SGSM2: variants seen among roughly 807,000 people sequenced by gnomAD.
SGSM2 encodes the protein RUN and TBC1 domain containing 1.
A neutral mutation model predicts 126.6 loss-of-function variants in SGSM2; 89 were observed. The observed-to-expected ratio is 0.70, with a 90% CI of 0.59 to 0.84. The LOEUF is 0.84. Among genes scored for constraint, SGSM2 ranks in the 40% least tolerant of loss-of-function variants. The probability of loss-of-function intolerance (pLI) is 0.00; values close to 1 mark genes in which losing one functional copy is unlikely to be tolerated. For synonymous variants in SGSM2, 614 were observed against 574.3 expected (o/e 1.07, Z -0.99); for missense variants, 1,404 against 1,416.6 (o/e 0.99, Z 0.14).
chr17:2,339,507 G>A (rs891804175), intron 1 of SGSM2, among the ~76,000 whole-genome samples: 3 of 151,846 alleles, frequency 2.0e-5, no homozygotes, highest in African/African-American at 2.4e-5. Flanking sequence ...GGCGGATCAC[G>A]AGGTCAGGAG....
intron 11 of SGSM2, 26 bp downstream of exon 11, chr17:2,365,367 G>C (rs1366752383): frequency 6.6e-7 from 1 of 1,515,546 alleles, no homozygotes; most frequent in Non-Finnish European, 8.9e-7. Flanking sequence ...TTCATCCCGG[G>C]GGAGGAGAGG....
Position 2,379,429 on chromosome 17 carries a change from C to CA in SGSM2, c.3068-2dup, listed in dbSNP as rs2151650248. 1 of 1,612,002 alleles carries CA rather than the reference C, an allele frequency of 6.2e-7. No homozygotes were observed. Among genetic ancestry groups the CA allele is most frequent in the South Asian group, 1.1e-5 (1 of 90,964 alleles). The stretch of plus-strand genomic sequence containing the variant: ...CTCTACAGCTCTTCACGTTTCCCCC[C>CA]AGAACGTGCTGAGCATCACGATGCC... On this transcript the variant is annotated splice_polypyrimidine_tract_variant and splice_region_variant and intron_variant, in intron 23 of 23. Transcript: ENST00000268989.
In SGSM2 at chr17:2,373,661, G is replaced by C. The variant is rs933050759; in HGVS notation, c.2100+148G>C. On this transcript the variant is annotated intron_variant, in intron 17 of 23. Coordinates refer to ENST00000268989, the MANE Select transcript of SGSM2 (RefSeq NM_014853.3). The stretch of plus-strand genomic sequence containing the variant: ...TGCCTGTGTCTCATTTTCTCCAACT[G>C]GAAATGGCTAACTGTGCCTCTGCTG... The C allele has an allele frequency of 6.7e-5, 45 of 673,240 alleles. No individual in the cohort carries two copies. In the Admixed American group the frequency reaches 9.6e-4, roughly 14 times the overall value. 41.7% of individuals were successfully genotyped at this position (673,240 alleles called of 1,614,324 possible). A position where few individuals can be genotyped will look rare whatever the true frequency, so the allele number is the denominator to read the frequency against.
chr17:2,361,897 C>A, intron 3 of SGSM2, 98 bp downstream of exon 3: 2 of 1,448,672 alleles, frequency 1.4e-6, no homozygotes, highest in Non-Finnish European at 9.3e-7. Flanking sequence ...GCATCCTGGG[C>A]CTGTTCCTTG....
rs1316573595 is a variant in SGSM2 at position 2,376,081 on chromosome 17, C to T, written c.2485-56C>T. On this transcript the variant is annotated intron_variant, in intron 18 of 23. Coordinates refer to ENST00000268989, the MANE Select transcript of SGSM2 (RefSeq NM_014853.3). The stretch of plus-strand genomic sequence containing the variant: ...CATTTCTTGGGGCGTCACCTCCTGC[C>T]CCCAGCCTGGGAAGGGCTGCCCGGT... The T allele has an allele frequency of 3.1e-6, 5 of 1,610,938 alleles. No homozygotes were observed. The African/African-American group carries it at 4.0e-5, about 13-fold the overall frequency.
At chr17:2,351,442 G>C (rs2064849093) in intron 2 of SGSM2, among the ~76,000 whole-genome samples, 1 of 152,156 alleles carries the variant, frequency 6.6e-6, no homozygotes, top group Admixed American at 6.5e-5. Context: ...ATGGTGTCCA[G>C]AGACACTCTA....
At chr17:2,347,996 C>CA (rs1378000464) in intron 2 of SGSM2, among the ~76,000 whole-genome samples, 3 of 152,124 alleles carry the variant, frequency 2.0e-5, no homozygotes, top group African/African-American at 7.2e-5. Context: ...CTGCTGTGTG[C>CA]AAGTGGGTCA....
At chr17:2,375,384 A>AG in intron 17 of SGSM2, 108 bp from the exon 18 acceptor site, 2 of 1,368,998 alleles carry the variant, frequency 1.5e-6, no homozygotes, top group Non-Finnish European at 2.0e-6. Flanking sequence ...GTGGTGGGAG[A>AG]GGGGGTGTGA....
At chr17:2,376,674 G>A (rs2066173877) in intron 19 of SGSM2, 59 bp from the exon 20 acceptor site, 2 of 1,580,998 alleles carry the variant, frequency 1.3e-6, no homozygotes, top group African/African-American at 1.3e-5. Flanking sequence ...GTCTTCCCAG[G>A]GATCCCGAGG....
chr17:2,342,231 C>G (rs957938436), intron 1 of SGSM2, among the ~76,000 whole-genome samples: 16 of 141,616 alleles, frequency 1.1e-4, no homozygotes, highest in Non-Finnish European at 7.6e-5. Flanking sequence ...GCCTGGCCAA[C>G]ATGGAGAAAC....
chr17:2,353,655 C>T (rs562448333), intron 2 of SGSM2, among the ~76,000 whole-genome samples: 22 of 152,154 alleles, frequency 1.4e-4, no homozygotes, highest in Middle Eastern at 3.4e-3. Context: ...GTCCCAGCTA[C>T]TCAGCAGGCT....
At chr17:2,358,875 T>TG (rs1555598695) in intron 2 of SGSM2, among the ~76,000 whole-genome samples, 252 of 95,670 alleles carry the variant, frequency 2.6e-3, no homozygotes, top group African/African-American at 8.4e-3. Flanking sequence ...TTGTTGTTGT[T>TG]TTTTTTTTTT....
Position 2,363,136 on chromosome 17 carries a change from T to TA in SGSM2, c.672+3dup, listed in dbSNP as rs751352518. 9 of 1,595,602 alleles carry TA rather than the reference T, an allele frequency of 5.6e-6. No homozygotes were observed. In the African/African-American group the frequency reaches 9.4e-5, roughly 17 times the overall value. On this transcript the variant is annotated splice_region_variant and intron_variant, in intron 6 of 23. Transcript: ENST00000268989. This position sits in a 1 kb window ranked among gnomAD's most constrained non-coding sequence, Gnocchi z 4.2. ...CCTGCAAAGCGCCCAGCCCTGGGGG[T>TA]AGGTGCCCCCTCCCCACCCTTTGGG...
At position 2,337,548 on chromosome 17, in the gene SGSM2, TGCGGCG is replaced by T. The variant is rs536747389; in HGVS notation, c.-124_-119del. 18 of 286,496 alleles carry T rather than the reference TGCGGCG, an allele frequency of 6.3e-5. No individual in the cohort carries two copies. Among genetic ancestry groups the T allele is most frequent in the African/African-American group, 6.9e-5 (3 of 43,288 alleles). The allele number at this position is 286,496 out of a possible 1,614,324, so 17.7% of individuals were successfully genotyped here. On this transcript the variant is annotated 5_prime_UTR_variant, in exon 1 of 24. Coordinates refer to ENST00000268989, the MANE Select transcript of SGSM2 (RefSeq NM_014853.3). The surrounding 1 kb of genome is among the most constrained non-coding windows in gnomAD (Gnocchi z 5.1). ...GCGGAGCCGAGCACCGGGCAGTGGC[TGCGGCG>T]GCGGCGGCGGCGGCGGGCCGGGAGC...
At chr17:2,358,927 G>C (rs1481213742) in intron 2 of SGSM2, among the ~76,000 whole-genome samples, 1 of 146,664 alleles carries the variant, frequency 6.8e-6, no homozygotes, top group Non-Finnish European at 1.5e-5. Context: ...CCCCAGGCTG[G>C]AGTGCAGTGG....
At chr17:2,374,202 A>G (rs543816277) in intron 17 of SGSM2, 1 of 152,372 alleles carries the variant, frequency 6.6e-6, no homozygotes, top group African/African-American at 2.4e-5. Context: ...TTTCTTTAAA[A>G]TTGCCTCTTT....
Position 2,363,705 on chromosome 17 carries a change from G to T in SGSM2, c.807+106G>T. 2 of 1,475,416 alleles carry T rather than the reference G, an allele frequency of 1.4e-6. No homozygotes were observed. Among genetic ancestry groups the T allele is most frequent in the East Asian group, 2.4e-5 (1 of 42,200 alleles). 91.4% of individuals were successfully genotyped at this position (1,475,416 alleles called of 1,614,324 possible). On this transcript the variant is annotated intron_variant, in intron 7 of 23. Coordinates refer to ENST00000268989, the MANE Select transcript of SGSM2 (RefSeq NM_014853.3). The surrounding 1 kb of genome is among the most constrained non-coding windows in gnomAD (Gnocchi z 4.2). ...TTCCTGAGGAGCTTGACCAGAGACG[G>T]GGGGGAGAATGGCCCCAGCCTCCCA...
intron 21 of SGSM2, 160 bp from the exon 22 acceptor site, chr17:2,377,697 C>T: frequency 1.9e-6 from 1 of 529,048 alleles, no homozygotes; most frequent in Non-Finnish European, 3.4e-6. Flanking sequence ...ACAAGGAGAT[C>T]CGAGGGGGAG....
chr17:2,358,873 G>GTTTTTTTTTTTTTTT (rs759581510), intron 2 of SGSM2, among the ~76,000 whole-genome samples: 2 of 88,214 alleles, frequency 2.3e-5, no homozygotes, highest in Non-Finnish European at 4.5e-5. Context: ...TGTTGTTGTT[G>GTTTTTTTTTTTTTTT]TTTTTTTTTT....
Sources: gnomAD v4.1 joint callset for allele counts (sites outside exome capture counted in the v4.1 genomes callset) on GRCh38, gnomAD v4.1.1 for gene constraint, Gnocchi (gnomAD v3.1) non-coding constraint, MANE v1.5 for transcripts, NCBI Gene and HGNC (gene_info 2026-07-23, HGNC 2026-07-21) for gene names.